The following ADAMTSL1 variants were observed in gnomAD, a reference collection of about 807,000 sequenced individuals.
The protein encoded by ADAMTSL1 is ADAMTS like 1.
Under a neutral mutation model 201.8 loss-of-function variants are expected in ADAMTSL1, and 126 were observed. That is an observed-to-expected ratio of 0.62 (90% CI 0.54 to 0.72). The LOEUF (loss-of-function observed/expected upper bound fraction) is 0.72. Among genes scored for constraint, ADAMTSL1 ranks in the 30% least tolerant of loss-of-function variants. The pLI is 0.00. For missense variants in ADAMTSL1, 2,679 were observed against 2,277.8 expected (o/e 1.18, Z -3.59); for synonymous variants, 1,121 against 903.4 (o/e 1.24, Z -4.32).
At chr9:18,526,921 G>A (rs75349290) in intron 2 of ADAMTSL1, among the ~76,000 whole-genome samples, 2,273 of 152,228 alleles carry the variant, frequency 0.015, 42 homozygotes, top group African/African-American at 0.048. Context: ...CTTGAATTGC[G>A]AAACATGGCT....
At chr9:18,181,526 A>T (rs1405701982) in intron 2 of ADAMTSL1, among the ~76,000 whole-genome samples, 1 of 152,006 alleles carries the variant, frequency 6.6e-6, no homozygotes, top group Non-Finnish European at 1.5e-5. Context: ...GCCAAAAAAC[A>T]CATGAAAAAA....
chr9:18,679,951 T>C (rs1456084737), intron 10 of ADAMTSL1, among the ~76,000 whole-genome samples: 1 of 152,232 alleles, frequency 6.6e-6, no homozygotes, highest in Non-Finnish European at 1.5e-5. Flanking sequence ...GGATACTTAA[T>C]GAGTTTAATG....
intron 15 of ADAMTSL1, among the ~76,000 whole-genome samples, chr9:18,735,735 G>A (rs1818459919): frequency 9.2e-6 from 1 of 108,206 alleles, no homozygotes; most frequent in Non-Finnish European, 1.9e-5. Context: ...GAAGTCAGAC[G>A]GCATTCTTTT....
At chr9:18,204,149 T>C (rs1444180549) in intron 2 of ADAMTSL1, among the ~76,000 whole-genome samples, 1 of 152,146 alleles carries the variant, frequency 6.6e-6, no homozygotes, top group Non-Finnish European at 1.5e-5. Context: ...CTTAACCCTA[T>C]GTGATTGATA....
At chr9:18,352,073 TA>T (rs1835990683) in intron 2 of ADAMTSL1, among the ~76,000 whole-genome samples, 1 of 152,178 alleles carries the variant, frequency 6.6e-6, no homozygotes, top group African/African-American at 2.4e-5. Flanking sequence ...CTTTTTTTTT[TA>T]GTATCTTAAG....
chr9:18,838,143 A>T (rs1427043030), intron 23 of ADAMTSL1, among the ~76,000 whole-genome samples: 1 of 152,084 alleles, frequency 6.6e-6, no homozygotes. Context: ...CACGTCTTAC[A>T]TGGATGGTGG....
At chr9:18,769,083 G>A (rs1820532712) in intron 16 of ADAMTSL1, among the ~76,000 whole-genome samples, 1 of 152,316 alleles carries the variant, frequency 6.6e-6, no homozygotes, top group African/African-American at 2.4e-5. Context: ...AGGAGACCTT[G>A]AGGTGCATGC....
intron 5 of ADAMTSL1, among the ~76,000 whole-genome samples, chr9:18,634,692 G>A (rs749702683): frequency 6.6e-6 from 1 of 151,284 alleles, no homozygotes; most frequent in Non-Finnish European, 1.5e-5. Context: ...ACAAAAATTA[G>A]TCAGGCGTGA....
intron 23 of ADAMTSL1, among the ~76,000 whole-genome samples, chr9:18,846,185 CCAAA>C (rs1420786966): frequency 6.6e-6 from 1 of 152,152 alleles, no homozygotes; most frequent in Non-Finnish European, 1.5e-5. Context: ...CAGTAATAAG[CCAAA>C]CAAATTGATG....
intron 2 of ADAMTSL1, among the ~76,000 whole-genome samples, chr9:18,179,278 G>A (rs372801557): frequency 1.0e-3 from 154 of 152,240 alleles, no homozygotes; most frequent in African/African-American, 3.3e-3. Flanking sequence ...GGGTATCAGC[G>A]ATGGAAGATG....
intron 2 of ADAMTSL1, among the ~76,000 whole-genome samples, chr9:18,263,658 G>A (rs1040538621): frequency 9.2e-5 from 14 of 152,150 alleles, no homozygotes; most frequent in African/African-American, 3.1e-4. Context: ...TCCCCAGTGG[G>A]GCTGTATTTG....
At chr9:18,592,408 C>T (rs543630563) in intron 4 of ADAMTSL1, among the ~76,000 whole-genome samples, 4 of 150,762 alleles carry the variant, frequency 2.7e-5, no homozygotes, top group African/African-American at 9.6e-5. Flanking sequence ...CAAGCTTTAT[C>T]ATCTTTCCAA....
At chr9:18,692,588 T>G (rs1343422959) in intron 13 of ADAMTSL1, among the ~76,000 whole-genome samples, 2 of 152,212 alleles carry the variant, frequency 1.3e-5, no homozygotes, top group African/African-American at 2.4e-5. Context: ...AAGGTCATTT[T>G]TAATGAACTG....
intron 2 of ADAMTSL1, among the ~76,000 whole-genome samples, chr9:18,314,711 G>C (rs952224746): frequency 4.8e-5 from 7 of 144,874 alleles, no homozygotes; most frequent in African/African-American, 1.0e-4. Context: ...ATCTCGAAGA[G>C]CAAAAGAACA....
chr9:18,651,458 G>A (rs926422941), intron 7 of ADAMTSL1: 1 of 152,242 alleles, frequency 6.6e-6, no homozygotes, highest in Non-Finnish European at 1.5e-5. Context: ...ATTAGACAGA[G>A]AGGAAGGTGA....
intron 4 of ADAMTSL1, among the ~76,000 whole-genome samples, chr9:18,589,499 A>G (rs921186301): frequency 1.3e-5 from 2 of 152,232 alleles, no homozygotes; most frequent in African/African-American, 2.4e-5. Context: ...TTTTCTAACT[A>G]TAAGATTATG....
chr9:18,573,110 A>T (rs1822447551), intron 3 of ADAMTSL1, among the ~76,000 whole-genome samples: 1 of 152,330 alleles, frequency 6.6e-6, no homozygotes, highest in Non-Finnish European at 1.5e-5. Context: ...TACATCAAAA[A>T]GATTCTTATT....
chr9:18,616,202 T>G (rs1248294341), intron 4 of ADAMTSL1, among the ~76,000 whole-genome samples: 1 of 152,184 alleles, frequency 6.6e-6, no homozygotes, highest in Non-Finnish European at 1.5e-5. Context: ...ATTTTATATT[T>G]TTAGTAGGGA....
chr9:18,130,369 A>C (rs1470054848), intron 1 of ADAMTSL1, among the ~76,000 whole-genome samples: 1 of 152,224 alleles, frequency 6.6e-6, no homozygotes, highest in Non-Finnish European at 1.5e-5. Flanking sequence ...AATATTTAAT[A>C]AGCACTATGA....
Sources: allele counts gnomAD v4.1 joint callset (sites outside exome capture counted in the v4.1 genomes callset), GRCh38; gene constraint gnomAD v4.1.1; transcripts MANE v1.5; gene names NCBI Gene and HGNC (gene_info 2026-07-23, HGNC 2026-07-21).